FGD1: variants seen among roughly 807,000 people sequenced by gnomAD.
The protein encoded by FGD1 is FYVE, RhoGEF and PH domain containing 1, also known as FYVE, RhoGEF and PH domain-containing protein 1.
FGD1 carries 12 observed loss-of-function variants against 65.0 expected under a neutral mutation model. That is an observed-to-expected ratio of 0.18 (90% CI 0.12 to 0.30). The LOEUF is 0.30. FGD1 is among the 10% of genes least tolerant of loss of function. FGD1 has a pLI of 1.00. For missense variants in FGD1, 542 were observed against 837.6 expected, an observed-to-expected ratio of 0.65 and a Z score of 4.36; for synonymous variants, 333 against 343.9, an observed-to-expected ratio of 0.97 and a Z score of 0.35.
chrX:54,476,096 A>G (rs774967285), intron 1 of FGD1, among the ~76,000 whole-genome samples: 2 of 110,542 alleles, frequency 1.8e-5, no homozygotes, highest in Admixed American at 1.9e-4. Flanking sequence ...ACAAACAAAA[A>G]CACCAAAAAA....
chrX:54,457,737 A>G (rs1434736474), intron 8 of FGD1, among the ~76,000 whole-genome samples: 1 of 111,031 alleles, frequency 9.0e-6, no homozygotes, highest in African/African-American at 3.3e-5. Context: ...GGGGGCTCAG[A>G]TAACAGGGGA....
Position 54,485,831 on chromosome X carries a change from G to GAC in FGD1, c.307+9294_307+9295insGT, listed in dbSNP as rs1923259137. ...CGCTCTGTTGCCAGACTGGAGTGCA[G>GAC]TGGCAAGATCTCGGCTCACTGCAAC... On this transcript the variant is annotated intron_variant, in intron 1 of 17. Transcript: ENST00000375135. 2.8e-5 allele frequency among the ~76,000 whole-genome samples: 3 copies of GAC among 108,889 alleles called. No individual in the cohort carries two copies. The Admixed American group carries it at 3.0e-4, about 11-fold the overall frequency. The allele number at this position is 108,889 out of a possible 115,157, so 94.6% of individuals were successfully genotyped here. A position where few individuals can be genotyped will look rare whatever the true frequency, so the allele number is the denominator to read the frequency against.
chrX:54,496,156 A>T lies in FGD1; in HGVS notation c.-724T>A, dbSNP rs1923540386. ...CTGGGTCTCGGCGGCGGCGGGCGGGAAGGAGCCCTGGGAAGGGGGGTGGGG... is the reference window on the plus strand; with the variant it reads ...CTGGGTCTCGGCGGCGGCGGGCGGGTAGGAGCCCTGGGAAGGGGGGTGGGG... On this transcript the variant is annotated 5_prime_UTR_variant, in exon 1 of 18. Transcript: ENST00000375135. 1 of 108,767 alleles carries T rather than the reference A, an allele frequency of 9.2e-6. No homozygotes were observed. The highest frequency in any genetic ancestry group is 3.0e-4 in the East Asian group (1 of 3,289). The allele number at this position is 108,767 out of a possible 1,213,427, so 9.0% of individuals were successfully genotyped here.
chrX:54,492,508 A>G (rs1037533212), intron 1 of FGD1, among the ~76,000 whole-genome samples: 1 of 111,258 alleles, frequency 9.0e-6, no homozygotes, highest in Non-Finnish European at 1.9e-5. Flanking sequence ...CTTAGGGCCA[A>G]TTATAGGCGA....
intron 13 of FGD1, 65 bp downstream of exon 13, chrX:54,450,206 C>T (rs974073638): frequency 2.8e-6 from 3 of 1,053,642 alleles, no homozygotes; most frequent in African/African-American, 3.7e-5. Context: ...GAGGGAGAAT[C>T]TATCAACCCC....
chrX:54,463,430 C>A (rs1435559403), intron 8 of FGD1, among the ~76,000 whole-genome samples: 2 of 111,666 alleles, frequency 1.8e-5, no homozygotes, highest in African/African-American at 6.5e-5. Context: ...CCAACCATTT[C>A]TCACCGATTC....
At chrX:54,479,410 T>C (rs928486889) in intron 1 of FGD1, among the ~76,000 whole-genome samples, 1 of 111,902 alleles carries the variant, frequency 8.9e-6, no homozygotes, top group African/African-American at 3.2e-5. Flanking sequence ...CCTGGTGTCC[T>C]GGGGCAAGTG....
chrX:54,448,461 C>T (rs1465097687), intron 16 of FGD1, among the ~76,000 whole-genome samples: 2 of 112,119 alleles, frequency 1.8e-5, no homozygotes, highest in African/African-American at 6.5e-5. Context: ...GCTGGGATTA[C>T]AGGCATGAGC....
intron 6 of FGD1, among the ~76,000 whole-genome samples, chrX:54,466,743 TTTTG>T (rs911591826): frequency 6.3e-5 from 6 of 94,518 alleles, no homozygotes; most frequent in South Asian, 4.6e-4. Context: ...TCTGGTACTG[TTTTG>T]TTTGTTTGTT....
chrX:54,465,596 C>T lies in FGD1; in HGVS notation c.1498-7G>A, dbSNP rs756153505. The T allele has an allele frequency of 2.5e-6, 3 of 1,208,859 alleles. No homozygotes were observed. In the Admixed American group the frequency reaches 6.6e-5, roughly 26 times the overall value. ...TGCCACAGGCTTCCTCCTTCTGTGA[C>T]AGGCAGAAGCAGAGGGGCTCAGATC... On this transcript the variant is annotated splice_region_variant and splice_polypyrimidine_tract_variant and intron_variant, in intron 7 of 17. Transcript: ENST00000375135.
chrX:54,495,290 G>A lies in FGD1; in HGVS notation c.143C>T (p.Ser48Leu). The A allele has an allele frequency of 1.7e-6, 2 of 1,185,409 alleles. No individual in the cohort carries two copies. Among genetic ancestry groups the A allele is most frequent in the Non-Finnish European group, 2.3e-6 (2 of 883,711 alleles). Residue 48 changes from serine (S) to leucine (L), a missense_variant, in exon 1 of 18, where the codon TCA becomes TTA. Ser to Leu is a moderately radical substitution (Grantham distance 145). Around this residue, in one of 6 missense-constraint regions of FGD1, gnomAD observed 297 missense variants for 326.8 expected, o/e 0.91. Transcript: ENST00000375135. ...SEPGLLARRGSGSALGGPLDP... is the reference protein window; with the variant it reads ...SEPGLLARRGLGSALGGPLDP... ...CAGTGGGCCGCCAAGAGCCGAACCT[G>A]AGCCCCTGCGCGCCAGCAGTCCGGG...
chrX:54,450,356 C>G lies in FGD1; in HGVS notation c.2016-55G>C, dbSNP rs1922348889. The G allele has an allele frequency of 2.6e-5, 29 of 1,116,828 alleles. No individual in the cohort carries two copies. The Admixed American group carries it at 6.4e-4, about 24-fold the overall frequency. The allele number at this position is 1,116,828 out of a possible 1,213,427, so 92.0% of individuals were successfully genotyped here. A position where few individuals can be genotyped will look rare whatever the true frequency, so the allele number is the denominator to read the frequency against. The stretch of plus-strand genomic sequence containing the variant: ...TTTGGTTAGGTAGGCCCACAAAAAG[C>G]AATAGGAGTGGAAGAGCAGGTGTTT... On this transcript the variant is annotated intron_variant, in intron 12 of 17. Coordinates refer to ENST00000375135, the MANE Select transcript of FGD1 (RefSeq NM_004463.3).
intron 8 of FGD1, among the ~76,000 whole-genome samples, chrX:54,456,833 A>G (rs186681245): frequency 0.027 from 2,950 of 110,024 alleles, 43 homozygotes; most frequent in Middle Eastern, 0.055. Context: ...GGGCTTCACT[A>G]TGTTGGCCAG....
chrX:54,472,552 T>A (rs7879132), intron 1 of FGD1, among the ~76,000 whole-genome samples: 22 of 111,187 alleles, frequency 2.0e-4, no homozygotes, highest in African/African-American at 6.9e-4. Flanking sequence ...GAGATGATGG[T>A]CATGCTTAGG....
intron 1 of FGD1, among the ~76,000 whole-genome samples, chrX:54,487,151 G>A (rs1388602908): frequency 9.1e-6 from 1 of 109,566 alleles, no homozygotes; most frequent in Non-Finnish European, 1.9e-5. Flanking sequence ...GATTACAGGT[G>A]TGAGCCACCG....
At chrX:54,477,317 TCAAAGA>T (rs1263973559) in intron 1 of FGD1, among the ~76,000 whole-genome samples, 2 of 111,477 alleles carry the variant, frequency 1.8e-5, no homozygotes, top group Admixed American at 1.9e-4. Context: ...GCTCCCAATC[TCAAAGA>T]CAAAGACTCT....
rs1923517531 is a variant in FGD1 at position 54,495,536 on chromosome X, G to A, written c.-104C>T. ...GGCGCCCGGCGGAGCAGCGGCCTCA[G>A]GATCGGGGGGCGGGACTGCGGGCTC... On this transcript the variant is annotated 5_prime_UTR_variant, in exon 1 of 18. Coordinates refer to ENST00000375135, the MANE Select transcript of FGD1 (RefSeq NM_004463.3). The A allele has an allele frequency of 3.6e-6, 2 of 549,806 alleles. No individual in the cohort carries two copies. Among genetic ancestry groups the A allele is most frequent in the Non-Finnish European group, 4.9e-6 (2 of 410,656 alleles). The allele number at this position is 549,806 out of a possible 1,213,427, so 45.3% of individuals were successfully genotyped here. A position where few individuals can be genotyped will look rare whatever the true frequency, so the allele number is the denominator to read the frequency against.
At chrX:54,477,043 C>T (rs1923034439) in intron 1 of FGD1, among the ~76,000 whole-genome samples, 1 of 112,307 alleles carries the variant, frequency 8.9e-6, no homozygotes, top group Admixed American at 9.4e-5. Flanking sequence ...CCCTCAAAGA[C>T]CCAGAGAGAG....
rs749881777 is a variant in FGD1, at chrX:54,470,185, C to A, written c.932G>T (p.Cys311Phe). ...ACTAGCCAGGGCAGGGGGCCCAGGG[C>A]AGAGGCTGTGGCTGGGGGGCCCGTC... ...SDDGPPSHSL[C>F]PGPPALASVP... Residue 311 changes from cysteine to phenylalanine, a missense_variant, in exon 4 of 18, where the codon TGC becomes TTC. Physicochemically the swap from Cys to Phe is radical, Grantham distance 205. Transcript: ENST00000375135. 3 of 1,209,510 alleles carry A rather than the reference C, an allele frequency of 2.5e-6. No homozygotes were observed. The highest frequency in any genetic ancestry group is 3.5e-5 in the South Asian group (2 of 56,417).
Sources: gnomAD v4.1 joint callset for allele counts (sites outside exome capture counted in the v4.1 genomes callset) on GRCh38, gnomAD v4.1.1 for gene constraint, gnomAD v4.1.1 regional missense constraint, MANE v1.5 for transcripts, NCBI Gene and HGNC (gene_info 2026-07-23, HGNC 2026-07-21) for gene names.